The following SGCZ variants were observed in gnomAD, a reference collection of about 807,000 sequenced individuals.
The protein encoded by SGCZ is zeta-sarcoglycan.
Under a neutral mutation model 41.3 loss-of-function variants are expected in SGCZ, and 40 were observed. The ratio of observed to expected loss-of-function variants is 0.97; its 90% CI spans 0.75 to 1.26. SGCZ has a LOEUF of 1.26. SGCZ is among the 50% of genes most tolerant of loss of function. The probability of loss-of-function intolerance (pLI) is 0.00; values close to 1 mark genes in which losing one functional copy is unlikely to be tolerated. For synonymous variants in SGCZ, 206 were observed against 137.5 expected (o/e 1.50, Z -3.49); for missense variants, 552 against 369.8 (o/e 1.49, Z -4.04).
chr8:14,241,504 T>C (rs1319061786), intron 3 of SGCZ, among the ~76,000 whole-genome samples: 1 of 148,188 alleles, frequency 6.7e-6, no homozygotes, highest in African/African-American at 2.5e-5. Context: ...CATAAAACAA[T>C]ATATATAATA....
At chr8:15,063,239 A>G (rs1304136691) in intron 1 of SGCZ, among the ~76,000 whole-genome samples, 1 of 152,152 alleles carries the variant, frequency 6.6e-6, no homozygotes, top group African/African-American at 2.4e-5. Context: ...TAGTATATTA[A>G]CAATAAAAAT....
intron 1 of SGCZ, among the ~76,000 whole-genome samples, chr8:14,609,680 A>C (rs1052468819): frequency 3.9e-5 from 6 of 152,312 alleles, no homozygotes; most frequent in African/African-American, 1.2e-4. Context: ...AGGAGATGCC[A>C]GGCTCCAGTC....
intron 2 of SGCZ, among the ~76,000 whole-genome samples, chr8:14,432,765 T>C (rs898146502): frequency 1.3e-5 from 2 of 151,662 alleles, no homozygotes; most frequent in African/African-American, 4.8e-5. Flanking sequence ...AATACAAAAA[T>C]TAGCCAGGCG....
chr8:14,696,711 T>G (rs118110310), intron 1 of SGCZ, among the ~76,000 whole-genome samples: 81 of 152,114 alleles, frequency 5.3e-4, no homozygotes, highest in Non-Finnish European at 9.1e-4. Context: ...ATTGTCTCAT[T>G]TTGTCTTGCC....
intron 3 of SGCZ, among the ~76,000 whole-genome samples, chr8:14,291,036 G>T (rs1475459114): frequency 3.3e-5 from 5 of 152,024 alleles, no homozygotes; most frequent in African/African-American, 1.2e-4. Flanking sequence ...GTTGTTTGCA[G>T]CAACATGGAT....
At chr8:15,049,201 G>A (rs1329106325) in intron 1 of SGCZ, among the ~76,000 whole-genome samples, 1 of 152,154 alleles carries the variant, frequency 6.6e-6, no homozygotes, top group Non-Finnish European at 1.5e-5. Context: ...GTGTTGTAAG[G>A]GATAAGCTTT....
intron 2 of SGCZ, among the ~76,000 whole-genome samples, chr8:14,519,762 T>A (rs1398686661): frequency 6.6e-6 from 1 of 152,162 alleles, no homozygotes; most frequent in African/African-American, 2.4e-5. Flanking sequence ...ATATTGGTTT[T>A]TGTTGAAAGT....
At chr8:14,849,286 G>C (rs906932831) in intron 1 of SGCZ, among the ~76,000 whole-genome samples, 1 of 151,860 alleles carries the variant, frequency 6.6e-6, no homozygotes, top group African/African-American at 2.4e-5. Flanking sequence ...AAAACTTAAA[G>C]ACTGTATACA....
At chr8:14,789,874 T>A (rs1800893057) in intron 1 of SGCZ, among the ~76,000 whole-genome samples, 1 of 152,178 alleles carries the variant, frequency 6.6e-6, no homozygotes, top group Admixed American at 6.5e-5. Flanking sequence ...TGTATTCCAT[T>A]AATTTTCGCT....
chr8:14,098,945 G>A (rs931673108), intron 7 of SGCZ, among the ~76,000 whole-genome samples: 2 of 152,146 alleles, frequency 1.3e-5, no homozygotes, highest in Admixed American at 6.5e-5. Context: ...TTTAGGGGCT[G>A]CTTTAGATTG....
At chr8:14,316,054 T>C (rs939825570) in intron 3 of SGCZ, among the ~76,000 whole-genome samples, 1 of 151,886 alleles carries the variant, frequency 6.6e-6, no homozygotes, top group African/African-American at 2.4e-5. Flanking sequence ...TAGTCAAATA[T>C]TTTGAGTCAG....
intron 2 of SGCZ, among the ~76,000 whole-genome samples, chr8:14,508,481 G>A (rs1051841465): frequency 2.0e-5 from 3 of 152,028 alleles, no homozygotes; most frequent in South Asian, 2.1e-4. Context: ...CAGAACCCTC[G>A]GAGGCTTTGC....
chr8:14,189,386 T>C (rs1443000242), intron 4 of SGCZ, among the ~76,000 whole-genome samples: 2 of 152,206 alleles, frequency 1.3e-5, no homozygotes, highest in Non-Finnish European at 2.9e-5. Flanking sequence ...TTCTCCCTTT[T>C]CAACACGGTC....
In SGCZ at chr8:14,847,110, AAAG is replaced by A. The variant is rs1314208680; in HGVS notation, c.40-292187_40-292185del. Among the ~76,000 whole-genome samples the A allele has an allele frequency of 5.8e-4, 83 of 142,350 alleles. 3 individuals are homozygous for A. Among genetic ancestry groups the A allele is most frequent in the African/African-American group, 2.0e-3 (77 of 37,680 alleles). 93.4% of individuals were successfully genotyped at this position (142,350 alleles called of 152,430 possible). On this transcript the variant is annotated intron_variant, in intron 1 of 7. Transcript: ENST00000382080. ...AGAAGAAGAAGAAAGAAGAAAGAAG[AAAG>A]AAGAAGAAGAAGAAAGAAGAAGAAG...
intron 1 of SGCZ, among the ~76,000 whole-genome samples, chr8:14,613,147 T>C (rs1301934046): frequency 1.3e-5 from 2 of 152,120 alleles, no homozygotes; most frequent in African/African-American, 4.8e-5. Context: ...GGAGGGTGCA[T>C]GCTGAGTGGG....
chr8:14,437,434 A>T (rs984861536), intron 2 of SGCZ, among the ~76,000 whole-genome samples: 1 of 152,156 alleles, frequency 6.6e-6, no homozygotes, highest in Non-Finnish European at 1.5e-5. Flanking sequence ...CAATAGAAAC[A>T]AATGTGTCAT....
chr8:14,815,182 G>C (rs1254003203), intron 1 of SGCZ, among the ~76,000 whole-genome samples: 1 of 151,134 alleles, frequency 6.6e-6, no homozygotes, highest in Non-Finnish European at 1.5e-5. Flanking sequence ...CAATGTCTTT[G>C]TAGACTGCTG....
chr8:14,599,422 G>T (rs6987209), intron 1 of SGCZ, among the ~76,000 whole-genome samples: 8,079 of 152,176 alleles, frequency 0.053, 250 homozygotes, highest in South Asian at 0.14. Flanking sequence ...AGGTAAATGT[G>T]GAAAGTCACA....
chr8:15,172,154 G>GTTTTTTT (rs1183210302), intron 1 of SGCZ, among the ~76,000 whole-genome samples: 17 of 71,766 alleles, frequency 2.4e-4, no homozygotes, highest in East Asian at 4.0e-4. Flanking sequence ...TTTATACTCT[G>GTTTTTTT]TTTTTTTTTT....
Sources: gnomAD v4.1 joint callset for allele counts (sites outside exome capture counted in the v4.1 genomes callset) on GRCh38, gnomAD v4.1.1 for gene constraint, MANE v1.5 for transcripts, NCBI Gene and HGNC (gene_info 2026-07-23, HGNC 2026-07-21) for gene names.